The following TMEM65 variants were observed in gnomAD, a reference collection of about 807,000 sequenced individuals.
TMEM65 encodes the protein transmembrane protein 65.
In TMEM65, 22 loss-of-function variants were observed where a neutral mutation model predicts 25.4. The ratio of observed to expected loss-of-function variants is 0.86; its 90% CI spans 0.62 to 1.23. The LOEUF is 1.23. Ranked by LOEUF, TMEM65 falls within the 50% of genes most tolerant of loss-of-function variation. The pLI, the probability that TMEM65 is intolerant of heterozygous loss-of-function variation, is 0.00. For missense variants in TMEM65, 262 were observed against 308.2 expected (o/e 0.85, Z 1.12); for synonymous variants, 132 against 126.2 (o/e 1.05, Z -0.31).
chr8:124,347,349 A>T (rs1321461169), intron 1 of TMEM65, among the ~76,000 whole-genome samples: 2 of 152,228 alleles, frequency 1.3e-5, no homozygotes, highest in African/African-American at 4.8e-5. Context: ...AAAAGTAATT[A>T]CTGCAACATA....
intron 2 of TMEM65, among the ~76,000 whole-genome samples, chr8:124,328,180 C>A (rs1240940930): frequency 2.6e-5 from 4 of 151,718 alleles, no homozygotes; most frequent in Non-Finnish European, 5.9e-5. Flanking sequence ...CTGAGGCGGG[C>A]GGATCATGAG....
At chr8:124,316,416 T>C (rs1361642969) in intron 6 of TMEM65, among the ~76,000 whole-genome samples, 1 of 152,154 alleles carries the variant, frequency 6.6e-6, no homozygotes, top group African/African-American at 2.4e-5. Context: ...ATGGGTAAAT[T>C]TCAGAGTTAG....
intron 1 of TMEM65, among the ~76,000 whole-genome samples, chr8:124,344,232 T>C (rs1272566545): frequency 6.6e-6 from 1 of 152,194 alleles, no homozygotes; most frequent in Non-Finnish European, 1.5e-5. Flanking sequence ...TCACTGTCAC[T>C]CCATAACCAA....
intron 1 of TMEM65, among the ~76,000 whole-genome samples, chr8:124,363,693 C>T (rs1319182027): frequency 2.3e-4 from 35 of 151,600 alleles, no homozygotes; most frequent in Non-Finnish European, 2.9e-5. Flanking sequence ...AAAAATTAGC[C>T]GGGCGTAGTG....
chr8:124,339,248 T>TATATAAAA (rs1489856057), intron 1 of TMEM65, among the ~76,000 whole-genome samples: 10 of 104,662 alleles, frequency 9.6e-5, no homozygotes, highest in African/African-American at 4.2e-4. Flanking sequence ...TATATATATA[T>TATATAAAA]AAAATATTCT....
intron 1 of TMEM65, among the ~76,000 whole-genome samples, chr8:124,371,642 C>A (rs1173836991): frequency 2.6e-5 from 4 of 152,214 alleles, no homozygotes; most frequent in African/African-American, 9.6e-5. Flanking sequence ...CTGGCACGAC[C>A]CGCGCCCGTC....
In TMEM65 at chr8:124,322,167, ATAAT is replaced by A. The variant is rs754110264; in HGVS notation, c.473-24_473-21del. 11 of 1,584,832 alleles carry A rather than the reference ATAAT, an allele frequency of 6.9e-6. No individual in the cohort carries two copies. Among genetic ancestry groups the A allele is most frequent in the Non-Finnish European group, 9.5e-6 (11 of 1,156,520 alleles). On this transcript the variant is annotated intron_variant, in intron 4 of 6. Coordinates refer to ENST00000297632, the MANE Select transcript of TMEM65 (RefSeq NM_194291.3). ...CAGCAGCTAAAAATTTGAAAAATAA[ATAAT>A]TGTTACATAAAAGAATAATAATTAT...
At chr8:124,360,212 C>G (rs916726142) in intron 1 of TMEM65, among the ~76,000 whole-genome samples, 4 of 151,918 alleles carry the variant, frequency 2.6e-5, no homozygotes, top group African/African-American at 9.7e-5. Context: ...AGGCAGATCA[C>G]GAGGTCAGGA....
chr8:124,323,304 T>C lies in TMEM65; in HGVS notation c.472+17A>G. ...TAAGTGTACAATGAAATAATAACAT[T>C]TACTACTGTTAAATACCTGCCATAG... On this transcript the variant is annotated intron_variant, in intron 4 of 6. Transcript: ENST00000297632. 1 of 1,356,938 alleles carries C rather than the reference T, an allele frequency of 7.4e-7. No homozygotes were observed. The highest frequency in any genetic ancestry group is 1.0e-6 in the Non-Finnish European group (1 of 973,122). 84.1% of individuals were successfully genotyped at this position (1,356,938 alleles called of 1,614,324 possible). A position where few individuals can be genotyped will look rare whatever the true frequency, so the allele number is the denominator to read the frequency against.
chr8:124,367,411 T>G (rs1814953037), intron 1 of TMEM65, among the ~76,000 whole-genome samples: 1 of 152,104 alleles, frequency 6.6e-6, no homozygotes, highest in Admixed American at 6.5e-5. Context: ...GAGATGGAGT[T>G]GCACTGAGCT....
intron 1 of TMEM65, among the ~76,000 whole-genome samples, chr8:124,346,356 A>G (rs2131216283): frequency 6.6e-6 from 1 of 152,240 alleles, no homozygotes; most frequent in South Asian, 2.1e-4. Flanking sequence ...TATAGCACAC[A>G]CTTTACAGGG....
intron 1 of TMEM65, among the ~76,000 whole-genome samples, chr8:124,348,769 A>G (rs891832941): frequency 6.6e-6 from 1 of 152,214 alleles, no homozygotes; most frequent in Non-Finnish European, 1.5e-5. Flanking sequence ...TCATGCCCCA[A>G]ATAAGAATTC....
intron 5 of TMEM65, among the ~76,000 whole-genome samples, chr8:124,321,643 A>C (rs1393726125): frequency 6.6e-6 from 1 of 152,136 alleles, no homozygotes; most frequent in Non-Finnish European, 1.5e-5. Context: ...CAGTATCCTC[A>C]AATTCGAGCC....
At chr8:124,327,012 G>C (rs1450218309) in intron 3 of TMEM65, among the ~76,000 whole-genome samples, 1 of 151,992 alleles carries the variant, frequency 6.6e-6, no homozygotes, top group Non-Finnish European at 1.5e-5. Flanking sequence ...ACCTATATAT[G>C]TGATAATTGC....
chr8:124,356,094 ACGAGT>A (rs1157039810), intron 1 of TMEM65, among the ~76,000 whole-genome samples: 17 of 152,212 alleles, frequency 1.1e-4, no homozygotes, highest in Admixed American at 1.1e-3. Flanking sequence ...CCCAATCTCT[ACGAGT>A]CAATCCTTAA....
At chr8:124,346,100 A>C (rs1393270241) in intron 1 of TMEM65, among the ~76,000 whole-genome samples, 1 of 152,200 alleles carries the variant, frequency 6.6e-6, no homozygotes, top group African/African-American at 2.4e-5. Flanking sequence ...CCTTCAGGAA[A>C]CTTAAAATCG....
rs934939028 is a variant in TMEM65 at position 124,310,603 on chromosome 8, T to C, written c.*3357A>G. On this transcript the variant is annotated 3_prime_UTR_variant, in exon 7 of 7. Transcript: ENST00000297632. ...TAATGTTGTCATTAAGGTGATTAAATGCAATAATGTGTGTAAATTACTAGT... is the reference window on the plus strand; with the variant it reads ...TAATGTTGTCATTAAGGTGATTAAACGCAATAATGTGTGTAAATTACTAGT... 3 of 152,142 alleles carry C rather than the reference T, an allele frequency of 2.0e-5. No homozygotes were observed. Among genetic ancestry groups the C allele is most frequent in the African/African-American group, 7.2e-5 (3 of 41,410 alleles). The allele number at this position is 152,142 out of a possible 1,614,324, so 9.4% of individuals were successfully genotyped here. A position where few individuals can be genotyped will look rare whatever the true frequency, so the allele number is the denominator to read the frequency against.
chr8:124,364,315 T>C (rs1408132189), intron 1 of TMEM65, among the ~76,000 whole-genome samples: 1 of 152,112 alleles, frequency 6.6e-6, no homozygotes, highest in Non-Finnish European at 1.5e-5. Context: ...GAGTTTACCA[T>C]AACTACAAGG....
Position 124,308,877 on chromosome 8 carries a change from TA to T in TMEM65, c.*5082del, listed in dbSNP as rs1306377007. ...GAAGGATTAATACCATATATAGAAA[TA>T]TTTTGAGAAATGAAAAAAAGCAAAA... is the stretch of plus-strand genomic sequence containing the variant. On this transcript the variant is annotated 3_prime_UTR_variant, in exon 7 of 7. Coordinates refer to ENST00000297632, the MANE Select transcript of TMEM65 (RefSeq NM_194291.3). The T allele has an allele frequency of 1.3e-5, 2 of 152,108 alleles. No individual in the cohort carries two copies. Among genetic ancestry groups the T allele is most frequent in the African/African-American group, 4.8e-5 (2 of 41,428 alleles). The allele number at this position is 152,108 out of a possible 1,614,324, so 9.4% of individuals were successfully genotyped here. A position where few individuals can be genotyped will look rare whatever the true frequency, so the allele number is the denominator to read the frequency against.
Sources: gnomAD v4.1 joint callset for allele counts (sites outside exome capture counted in the v4.1 genomes callset) on GRCh38, gnomAD v4.1.1 for gene constraint, MANE v1.5 for transcripts, NCBI Gene and HGNC (gene_info 2026-07-23, HGNC 2026-07-21) for gene names.